COA1: variants seen among roughly 807,000 people sequenced by gnomAD.
COA1 encodes cytochrome c oxidase assembly factor 1.
In COA1, 13 loss-of-function variants were observed where a neutral mutation model predicts 16.0. The observed-to-expected ratio is 0.81, with a 90% CI of 0.53 to 1.29. The LOEUF (loss-of-function observed/expected upper bound fraction) is 1.29. Ranked by LOEUF, COA1 falls within the 50% of genes most tolerant of loss-of-function variation. The probability of loss-of-function intolerance (pLI) is 0.00; values close to 1 mark genes in which losing one functional copy is unlikely to be tolerated. For synonymous variants in COA1, 65 were observed against 65.7 expected (o/e 0.99, Z 0.05); for missense variants, 179 against 177.0 (o/e 1.01, Z -0.06).
intron 1 of COA1, among the ~76,000 whole-genome samples, chr7:43,652,251 A>G (rs926657698): frequency 6.6e-6 from 1 of 152,148 alleles, no homozygotes; most frequent in Admixed American, 6.5e-5. Flanking sequence ...ATTAACACCC[A>G]GAGTCCTCTA....
At chr7:43,666,121 C>CTTTT (rs2092869289) in intron 1 of COA1, among the ~76,000 whole-genome samples, 1 of 152,206 alleles carries the variant, frequency 6.6e-6, no homozygotes, top group Non-Finnish European at 1.5e-5. Flanking sequence ...TTTAGCTCAT[C>CTTTT]TTTTAGCCAC....
At chr7:43,620,364 G>C (rs1359121152) in intron 6 of COA1, among the ~76,000 whole-genome samples, 1 of 152,172 alleles carries the variant, frequency 6.6e-6, no homozygotes, top group Non-Finnish European at 1.5e-5. Flanking sequence ...CTGAGAGGTT[G>C]TGACCAGAGA....
At chr7:43,681,867 C>CT (rs1318072247) in intron 1 of COA1, among the ~76,000 whole-genome samples, 3 of 152,142 alleles carry the variant, frequency 2.0e-5, no homozygotes, top group Non-Finnish European at 4.4e-5. Context: ...AAGCACACTC[C>CT]TTTTAAGGTT....
intron 1 of COA1, among the ~76,000 whole-genome samples, chr7:43,714,388 G>A (rs992360014): frequency 2.6e-5 from 4 of 152,100 alleles, no homozygotes; most frequent in Non-Finnish European, 5.9e-5. Flanking sequence ...AGCACTTTGG[G>A]AGGCCGAGGA....
chr7:43,628,794 C>T (rs1189439808), intron 6 of COA1, among the ~76,000 whole-genome samples: 1 of 152,182 alleles, frequency 6.6e-6, no homozygotes, highest in Admixed American at 6.5e-5. Context: ...TTATGTGTCA[C>T]ATATCTTTTC....
At chr7:43,697,283 A>G (rs1353450270) in intron 1 of COA1, among the ~76,000 whole-genome samples, 2 of 152,114 alleles carry the variant, frequency 1.3e-5, no homozygotes, top group Non-Finnish European at 2.9e-5. Context: ...TAAGCATATT[A>G]TATCACATGG....
At chr7:43,649,179 C>T (rs2090232826) in intron 1 of COA1, 2 of 152,306 alleles carry the variant, frequency 1.3e-5, no homozygotes, top group Non-Finnish European at 1.5e-5. Flanking sequence ...TCATTTAATT[C>T]TCACAACCCT....
At chr7:43,682,158 G>A (rs997869963) in intron 1 of COA1, among the ~76,000 whole-genome samples, 2 of 152,098 alleles carry the variant, frequency 1.3e-5, no homozygotes, top group African/African-American at 4.8e-5. Flanking sequence ...TGAACAACAG[G>A]AATAGATCAA....
At chr7:43,671,393 AATACAT>A (rs2093253072) in intron 1 of COA1, among the ~76,000 whole-genome samples, 1 of 152,194 alleles carries the variant, frequency 6.6e-6, no homozygotes, top group Non-Finnish European at 1.5e-5. Flanking sequence ...TTGTATCTAG[AATACAT>A]ATAAAGAACT....
intron 6 of COA1, among the ~76,000 whole-genome samples, chr7:43,621,552 C>G (rs6463199): frequency 0.83 from 125,801 of 152,120 alleles, 52,473 homozygotes; most frequent in African/African-American, 0.94. Context: ...ATCATAGCTT[C>G]CTGCAGCTCC....
At chr7:43,678,015 C>T (rs1563340474) in intron 1 of COA1, among the ~76,000 whole-genome samples, 1 of 152,134 alleles carries the variant, frequency 6.6e-6, no homozygotes, top group Non-Finnish European at 1.5e-5. Flanking sequence ...ACACTGACTA[C>T]AGGCAATTTC....
intron 4 of COA1, chr7:43,641,846 C>T (rs1460840941): frequency 1.3e-5 from 2 of 152,118 alleles, no homozygotes; most frequent in East Asian, 3.8e-4. Context: ...TTTGGTTTCT[C>T]ATGAAAACCA....
downstream of COA1, among the ~76,000 whole-genome samples, chr7:43,636,179 G>A (rs1195435596): frequency 6.6e-6 from 1 of 152,118 alleles, no homozygotes; most frequent in Non-Finnish European, 1.5e-5. Context: ...ATTATAACAT[G>A]GGCGCAGTTT....
chr7:43,729,092 AC>A (rs1450892154), intron 1 of COA1, among the ~76,000 whole-genome samples: 1 of 152,236 alleles, frequency 6.6e-6, no homozygotes, highest in East Asian at 1.9e-4. Flanking sequence ...ATTTAGCACT[AC>A]CAACAAAAGT....
intron 1 of COA1, among the ~76,000 whole-genome samples, chr7:43,693,232 A>G (rs143720400): frequency 2.6e-5 from 4 of 152,140 alleles, no homozygotes; most frequent in Non-Finnish European, 5.9e-5. Flanking sequence ...CTACCTCCCT[A>G]AGATCCCAGC....
At position 43,658,076 on chromosome 7, in the gene COA1, T is replaced by A. The variant is rs190097591; in HGVS notation, c.-38-9424A>T. Among the ~76,000 whole-genome samples, 602 of 151,990 alleles carry A rather than the reference T, an allele frequency of 4.0e-3. 1 individual carries two copies. Among genetic ancestry groups the A allele is most frequent in the Middle Eastern group, 0.014 (4 of 294 alleles). On this transcript the variant is annotated intron_variant, in intron 1 of 5. Transcript: ENST00000223336. Reference sequence around the variant, plus strand: ...TTAAGTCTATTTTATTTATTTTTTTTAAAAAAGTTACTGCTGAAGGCCCGG... The same window carrying A: ...TTAAGTCTATTTTATTTATTTTTTTAAAAAAAGTTACTGCTGAAGGCCCGG...
At chr7:43,632,728 T>C (rs564066129) in intron 6 of COA1, 1 of 152,330 alleles carries the variant, frequency 6.6e-6, no homozygotes, top group South Asian at 2.1e-4. Flanking sequence ...TTGGATTTGT[T>C]TTTTGAGACA....
chr7:43,671,558 G>A (rs1205591058), intron 1 of COA1, among the ~76,000 whole-genome samples: 1 of 152,182 alleles, frequency 6.6e-6, no homozygotes, highest in East Asian at 1.9e-4. Context: ...AAAACATACT[G>A]CTCAAAGAAA....
intron 1 of COA1, among the ~76,000 whole-genome samples, chr7:43,671,171 CT>C (rs2153197542): frequency 6.6e-6 from 1 of 152,220 alleles, no homozygotes; most frequent in East Asian, 1.9e-4. Flanking sequence ...GCACTAAATT[CT>C]AAAACTCCTA....
Sources: gnomAD v4.1 joint callset for allele counts (sites outside exome capture counted in the v4.1 genomes callset) on GRCh38, gnomAD v4.1.1 for gene constraint, MANE v1.5 for transcripts, NCBI Gene and HGNC (gene_info 2026-07-23, HGNC 2026-07-21) for gene names.